Variants in TBC1D9 observed in about 807,000 individuals in gnomAD.
The protein encoded by TBC1D9 is TBC1 domain family member 9A.
In TBC1D9, 63 loss-of-function variants were observed where a neutral mutation model predicts 132.0. The ratio of observed to expected loss-of-function variants is 0.48; its 90% CI spans 0.39 to 0.59. The LOEUF (loss-of-function observed/expected upper bound fraction) is 0.59. Among genes scored for constraint, TBC1D9 ranks in the 20% least tolerant of loss-of-function variants. TBC1D9 has a pLI of 0.00. For synonymous variants in TBC1D9, 610 were observed against 609.9 expected (o/e 1.00, Z 0.00); for missense variants, 1,261 against 1,592.7 (o/e 0.79, Z 3.54).
At chr4:140,719,785 C>T (rs1738394812) in intron 1 of TBC1D9, among the ~76,000 whole-genome samples, 1 of 152,158 alleles carries the variant, frequency 6.6e-6, no homozygotes, top group Non-Finnish European at 1.5e-5. Flanking sequence ...AAGGGTAATA[C>T]AGAAGATGTT....
intron 2 of TBC1D9, among the ~76,000 whole-genome samples, chr4:140,689,495 CCCCCTTTCCTTCCCTTCCCCCT>C (rs1737842029): frequency 1.0e-5 from 1 of 98,450 alleles, no homozygotes; most frequent in East Asian, 3.8e-4. Context: ...CCCTTCCCTT[CCCCCTTTCCTTCCCTTCCCCCT>C]TTTCCCTTCC....
chr4:140,665,331 T>A (rs756811338), intron 9 of TBC1D9, among the ~76,000 whole-genome samples: 3 of 152,144 alleles, frequency 2.0e-5, no homozygotes, highest in Non-Finnish European at 4.4e-5. Context: ...GGAGCATTTT[T>A]AGGAAAAATC....
chr4:140,646,928 A>G (rs1056571967), intron 13 of TBC1D9, among the ~76,000 whole-genome samples: 2 of 152,264 alleles, frequency 1.3e-5, no homozygotes, highest in Admixed American at 1.3e-4. Flanking sequence ...AGGGGCTGCC[A>G]TTAATGATGA....
intron 1 of TBC1D9, among the ~76,000 whole-genome samples, chr4:140,753,256 C>CTT (rs74269665): frequency 6.8e-6 from 1 of 146,134 alleles, no homozygotes; most frequent in Non-Finnish European, 1.5e-5. Flanking sequence ...CAGCTAGATT[C>CTT]TTTTTTTTTT....
chr4:140,697,906 G>C (rs956173815), intron 2 of TBC1D9, among the ~76,000 whole-genome samples: 3 of 152,176 alleles, frequency 2.0e-5, no homozygotes, highest in African/African-American at 7.2e-5. Context: ...GCTGTAAGGA[G>C]AGATCTGAGG....
chr4:140,682,762 G>A (rs1462829442), intron 3 of TBC1D9, among the ~76,000 whole-genome samples: 1 of 152,172 alleles, frequency 6.6e-6, no homozygotes, highest in Admixed American at 6.5e-5. Context: ...CACTGTAGTA[G>A]CGCTCTTACC....
intron 16 of TBC1D9, among the ~76,000 whole-genome samples, chr4:140,630,706 C>A (rs1305633475): frequency 6.6e-6 from 1 of 152,170 alleles, no homozygotes; most frequent in Non-Finnish European, 1.5e-5. Context: ...TTTTTAAAAA[C>A]CTACTTTTGT....
chr4:140,703,176 C>A (rs886947795), intron 1 of TBC1D9, among the ~76,000 whole-genome samples: 1 of 152,152 alleles, frequency 6.6e-6, no homozygotes, highest in African/African-American at 2.4e-5. Flanking sequence ...AGGCTAAAGG[C>A]CCCAGCCTCC....
chr4:140,658,015 C>T (rs934717203), intron 11 of TBC1D9, among the ~76,000 whole-genome samples: 1 of 152,202 alleles, frequency 6.6e-6, no homozygotes, highest in Non-Finnish European at 1.5e-5. Context: ...CTGGGCTCTT[C>T]CTGTCCTGTT....
At position 140,622,838 on chromosome 4, in the gene TBC1D9, G is replaced by A. The variant is rs760841047; in HGVS notation, c.3158C>T (p.Thr1053Met). ...CAGCAGGAGGCTGGTCACTGCTGCC[G>A]TGGCGTGGTACAGCTCCTGCTCATT... ...DPNEQELYHA[T>M]AAVTSLLLEI... The change falls in exon 21 of 21, where the codon ACG becomes ATG. Residue 1053 changes from threonine (T) to methionine (M), a missense_variant. Coordinates refer to ENST00000442267, the MANE Select transcript of TBC1D9 (RefSeq NM_015130.3). The A allele has an allele frequency of 5.0e-6, 8 of 1,597,900 alleles. No homozygotes were observed. In the East Asian group the frequency reaches 1.6e-4, roughly 31 times the overall value.
intron 9 of TBC1D9, among the ~76,000 whole-genome samples, chr4:140,668,107 G>A (rs1484475466): frequency 1.3e-5 from 2 of 152,204 alleles, no homozygotes; most frequent in Non-Finnish European, 2.9e-5. Context: ...TGAAAGTAAA[G>A]TTGGTGAAAC....
rs906363060 is a variant in TBC1D9, at chr4:140,662,224, GAGA to G, written c.1589-120_1589-118del. 4 of 881,814 alleles carry G rather than the reference GAGA, an allele frequency of 4.5e-6. No homozygotes were observed. In the African/African-American group the frequency reaches 6.6e-5, roughly 15 times the overall value. The allele number at this position is 881,814 out of a possible 1,614,324, so 54.6% of individuals were successfully genotyped here. A position where few individuals can be genotyped will look rare whatever the true frequency, so the allele number is the denominator to read the frequency against. On this transcript the variant is annotated intron_variant, in intron 9 of 20. Transcript: ENST00000442267. ...CCTACCTCTCAAAGGAAACTTGCAA[GAGA>G]AGGTGAAATCACAGATGTGGTATGT...
At chr4:140,649,333 C>T (rs1295886516) in intron 13 of TBC1D9, among the ~76,000 whole-genome samples, 1 of 152,228 alleles carries the variant, frequency 6.6e-6, no homozygotes, top group African/African-American at 2.4e-5. Context: ...TCAAATTATG[C>T]TCAAAATGCC....
chr4:140,700,579 G>A (rs1159321407), intron 2 of TBC1D9, among the ~76,000 whole-genome samples: 1 of 152,036 alleles, frequency 6.6e-6, no homozygotes, highest in Non-Finnish European at 1.5e-5. Context: ...TAGCACTTTG[G>A]GAGGCTGAGG....
At chr4:140,712,305 A>G (rs1014887745) in intron 1 of TBC1D9, 1 of 150,972 alleles carries the variant, frequency 6.6e-6, no homozygotes, top group African/African-American at 2.4e-5. Flanking sequence ...TACACACTGA[A>G]TCACATTCCT....
At chr4:140,704,158 G>A (rs1348621538) in intron 1 of TBC1D9, among the ~76,000 whole-genome samples, 2 of 152,136 alleles carry the variant, frequency 1.3e-5, no homozygotes, top group Non-Finnish European at 2.9e-5. Flanking sequence ...AGCACTTTGG[G>A]AGGCTGGGGC....
intron 9 of TBC1D9, among the ~76,000 whole-genome samples, chr4:140,667,016 C>T (rs1204379240): frequency 6.6e-6 from 1 of 152,122 alleles, no homozygotes; most frequent in South Asian, 2.1e-4. Flanking sequence ...ATGTGGGAGA[C>T]GTACTGTGAT....
rs753287744 is a variant in TBC1D9 at position 140,677,050 on chromosome 4, C to A, written c.903G>T (p.Leu301=). ...KSERYRALFR[L]PKDEKLDGHT... ...GGCCATCTAATTTTTCATCTTTGGG[C>A]AGCCGGAAAAGTGCACGGTATCTCT... The change falls in exon 6 of 21, where the codon CTG becomes CTT. Residue 301 remains leucine (L), a synonymous_variant. Coordinates refer to ENST00000442267, the MANE Select transcript of TBC1D9 (RefSeq NM_015130.3). 1.2e-6 allele frequency: 2 copies of A among 1,613,818 alleles called. No individual in the cohort carries two copies. Among genetic ancestry groups the A allele is most frequent in the Non-Finnish European group, 1.7e-6 (2 of 1,179,882 alleles).
intron 3 of TBC1D9, among the ~76,000 whole-genome samples, chr4:140,683,267 T>A (rs1737732684): frequency 2.0e-5 from 3 of 152,164 alleles, no homozygotes; most frequent in African/African-American, 7.2e-5. Context: ...TAGGGTCTAA[T>A]ATACTAGTAT....
Sources: allele counts gnomAD v4.1 joint callset (sites outside exome capture counted in the v4.1 genomes callset), GRCh38; gene constraint gnomAD v4.1.1; transcripts MANE v1.5; gene names NCBI Gene and HGNC (gene_info 2026-07-23, HGNC 2026-07-21).